The following SYNE1 variants were observed in gnomAD, a reference collection of about 807,000 sequenced individuals.
The protein encoded by SYNE1 is nesprin-1.
A neutral mutation model predicts 1,111.0 loss-of-function variants in SYNE1; 616 were observed. The observed-to-expected ratio is 0.55, with a 90% CI of 0.52 to 0.59. The LOEUF (loss-of-function observed/expected upper bound fraction) is 0.59. Ranked by LOEUF, SYNE1 falls within the 20% of genes least tolerant of loss-of-function variation. SYNE1 has a pLI of 0.00. For synonymous variants in SYNE1, 3,855 were observed against 3,825.8 expected, an observed-to-expected ratio of 1.01 and a Z score of -0.28; for missense variants, 10,006 against 10,417.0, an observed-to-expected ratio of 0.96 and a Z score of 1.72.
chr6:152,453,663 C>T lies in SYNE1; in HGVS notation c.2950G>A (p.Glu984Lys). 1.2e-6 allele frequency: 2 copies of T among 1,614,170 alleles called. No individual in the cohort carries two copies. The highest frequency in any genetic ancestry group is 1.7e-6 in the Non-Finnish European group (2 of 1,180,042). ...TGCTCTGGAAGGATGTCGGTGAGTTCATCACAAGCTTTCAGGAAAGCATTG... is the reference window on the plus strand; with the variant it reads ...TGCTCTGGAAGGATGTCGGTGAGTTTATCACAAGCTTTCAGGAAAGCATTG... ...VLNAFLKACDELTDILPEQEQ... is the reference protein window; with the variant it reads ...VLNAFLKACDKLTDILPEQEQ... The change falls in exon 25 of 146, where the codon GAA becomes AAA. Residue 984 changes from glutamate (E) to lysine (K), a missense_variant. Physicochemically the swap from Glu to Lys is moderately conservative, Grantham distance 56. Transcript: ENST00000367255.
intron 130 of SYNE1, among the ~76,000 whole-genome samples, chr6:152,174,917 G>A (rs2153116424): frequency 6.6e-6 from 1 of 152,378 alleles, no homozygotes. Context: ...GCTGAGGCTG[G>A]GTGCGGTGGC....
chr6:152,363,812 G>T (rs184525591), intron 63 of SYNE1: 1 of 453,382 alleles, frequency 2.2e-6, no homozygotes, highest in South Asian at 1.6e-5. Context: ...TAATTCATAT[G>T]AGTTTGTCTC....
Position 152,364,841 on chromosome 6 carries a change from C to T in SYNE1, c.10145+6G>A, listed in dbSNP as rs899186952. The T allele has an allele frequency of 1.2e-6, 2 of 1,613,934 alleles. No homozygotes were observed. Among genetic ancestry groups the T allele is most frequent in the Non-Finnish European group, 1.7e-6 (2 of 1,180,018 alleles). On this transcript the variant is annotated splice_donor_region_variant and intron_variant, in intron 63 of 145. Transcript: ENST00000367255. ...TTCCCCAGTGCTTGGCTGTAGTTTCCCTCACCTTTTACAACGAATCCCTGC... is the reference window on the plus strand; with the variant it reads ...TTCCCCAGTGCTTGGCTGTAGTTTCTCTCACCTTTTACAACGAATCCCTGC...
intron 93 of SYNE1, among the ~76,000 whole-genome samples, chr6:152,298,523 A>G (rs1239208571): frequency 2.0e-5 from 3 of 152,176 alleles, no homozygotes; most frequent in Non-Finnish European, 2.9e-5. Flanking sequence ...AGGTAGTTAT[A>G]TAACGGAGAT....
Position 152,391,391 on chromosome 6 carries a change from C to T in SYNE1, c.7890G>A (p.Glu2630=), listed in dbSNP as rs1289152509. 6.2e-7 allele frequency: 1 copy of T among 1,614,020 alleles called. No homozygotes were observed. The highest frequency in any genetic ancestry group is 8.5e-7 in the Non-Finnish European group (1 of 1,179,990). The part of the protein sequence containing the change: ...QVALQEHEAL[E]EALQSMWFWV... ...AGAACCACATGCTTTGCAGTGCTTC[C>T]TCCAGGGCTTCGTGCTCCTGAAGGG... Residue 2630 remains glutamate (E), a synonymous_variant, in exon 52 of 146, where the codon GAG becomes GAA. Transcript: ENST00000367255.
rs144978036 is a variant in SYNE1, at chr6:152,269,118, A to T, written c.18705+37T>A. On this transcript the variant is annotated intron_variant, in intron 99 of 145. Transcript: ENST00000367255. ...ATGCCTCTCAGGTTCTTCTCTGGGC[A>T]GATCTGCAAGCTAGAGAGAGGTAGG... 661 of 1,614,080 alleles carry T rather than the reference A, an allele frequency of 4.1e-4. 12 individuals are homozygous for T. The East Asian group carries it at 0.015, about 36-fold the overall frequency.
At chr6:152,145,248 C>T (rs1458080304) in intron 137 of SYNE1, 1 of 562,322 alleles carries the variant, frequency 1.8e-6, no homozygotes, top group Non-Finnish European at 3.2e-6. Flanking sequence ...AGGTCTATAC[C>T]TAATGAGACC....
At chr6:152,169,558 T>C (rs1242103310) in intron 130 of SYNE1, among the ~76,000 whole-genome samples, 1 of 37,440 alleles carries the variant, frequency 2.7e-5, no homozygotes, top group Admixed American at 5.1e-4. Flanking sequence ...CGAGACTCCA[T>C]CTCAAAAAAA....
chr6:152,241,634 C>T (rs1243588835), intron 107 of SYNE1, among the ~76,000 whole-genome samples: 8 of 151,866 alleles, frequency 5.3e-5, no homozygotes, highest in Non-Finnish European at 1.2e-4. Flanking sequence ...ACATAGTAAA[C>T]GGCCTTGCTG....
chr6:152,483,112 C>A lies in SYNE1; in HGVS notation c.1323G>T (p.Thr441=), dbSNP rs748132028. The change falls in exon 14 of 146, where the codon ACG becomes ACT. Residue 441 remains threonine (T), a synonymous_variant. Transcript: ENST00000367255. ...VQQVHEETAN[T]IQRKLEQHKD... ...TATGTTGCTCAAGTTTCCGTTGTAT[C>A]GTGTTTGCTGTTTCCTCGTGGACCT... is the stretch of plus-strand genomic sequence containing the variant. 1 of 1,614,196 alleles carries A rather than the reference C, an allele frequency of 6.2e-7. No homozygotes were observed. Among genetic ancestry groups the A allele is most frequent in the East Asian group, 2.2e-5 (1 of 44,882 alleles).
intron 145 of SYNE1, chr6:152,125,374 T>C: frequency 6.5e-7 from 1 of 1,544,800 alleles, no homozygotes; most frequent in Non-Finnish European, 8.7e-7. Context: ...GGCCTCACAG[T>C]ATCCTGCAGA....
At chr6:152,323,405 C>T in intron 82 of SYNE1, 73 bp downstream of exon 82, 1 of 1,591,396 alleles carries the variant, frequency 6.3e-7, no homozygotes, top group Non-Finnish European at 8.5e-7. Flanking sequence ...CACATTTGCA[C>T]TCCAGCCTGG....
At chr6:152,492,753 G>T (rs1328086770) in intron 11 of SYNE1, among the ~76,000 whole-genome samples, 1 of 152,174 alleles carries the variant, frequency 6.6e-6, no homozygotes, top group African/African-American at 2.4e-5. Context: ...CTCTTAGAGT[G>T]GAGTGTAAGT....
intron 115 of SYNE1, among the ~76,000 whole-genome samples, chr6:152,226,956 G>A (rs1275696551): frequency 1.3e-5 from 2 of 152,088 alleles, no homozygotes; most frequent in African/African-American, 2.4e-5. Flanking sequence ...TTGGAGATTC[G>A]AATGGAGAAA....
intron 3 of SYNE1, among the ~76,000 whole-genome samples, chr6:152,595,507 T>C (rs190164782): frequency 3.9e-5 from 6 of 152,362 alleles, no homozygotes; most frequent in Admixed American, 2.6e-4. Flanking sequence ...CTGACACCCC[T>C]ATCTCAAGTA....
chr6:152,164,115 G>T lies in SYNE1; in HGVS notation c.23790+48C>A, dbSNP rs187732520. On this transcript the variant is annotated intron_variant, in intron 131 of 145. Transcript: ENST00000367255. Reference sequence around the variant, plus strand: ...CCCACCCCATCATCCTGGCCAGGAGGACAGATATTCCATGGCTTATTAATT... The same window carrying T: ...CCCACCCCATCATCCTGGCCAGGAGTACAGATATTCCATGGCTTATTAATT... 7.4e-5 allele frequency: 119 copies of T among 1,611,216 alleles called. No individual in the cohort carries two copies. In the East Asian group the frequency reaches 1.5e-3, roughly 21 times the overall value.
rs115604346 is a variant in SYNE1 at position 152,139,292 on chromosome 6, C to T, written c.25458+658G>A. 4.7e-3 allele frequency among the ~76,000 whole-genome samples: 707 copies of T among 152,010 alleles called. 7 individuals carry two copies. Among genetic ancestry groups the T allele is most frequent in the African/African-American group, 0.016 (667 of 41,462 alleles). ...TGCCCTTGAAAACCATCTTTGTGGC[C>T]GGGCACGGTGGCTCATGCCTGTAAT... On this transcript the variant is annotated intron_variant, in intron 140 of 145. Coordinates refer to ENST00000367255, the MANE Select transcript of SYNE1 (RefSeq NM_182961.4).
chr6:152,557,190 G>A (rs868354619), intron 3 of SYNE1, among the ~76,000 whole-genome samples: 3 of 151,958 alleles, frequency 2.0e-5, no homozygotes, highest in Admixed American at 1.3e-4. Flanking sequence ...AGACAGCTTC[G>A]ACAGTAGGTT....
At chr6:152,586,047 A>C (rs1279623871) in intron 3 of SYNE1, among the ~76,000 whole-genome samples, 39 of 152,128 alleles carry the variant, frequency 2.6e-4, no homozygotes, top group Non-Finnish European at 1.5e-5. Flanking sequence ...CATCTCTTAC[A>C]TATGTGGGCC....
Sources: allele counts gnomAD v4.1 joint callset (sites outside exome capture counted in the v4.1 genomes callset), GRCh38; gene constraint gnomAD v4.1.1; transcripts MANE v1.5; gene names NCBI Gene and HGNC (gene_info 2026-07-23, HGNC 2026-07-21).